The following TFEC variants were observed in gnomAD, a reference collection of about 807,000 sequenced individuals.
The protein encoded by TFEC is class E basic helix-loop-helix protein 34.
TFEC carries 31 observed loss-of-function variants against 41.6 expected under a neutral mutation model. That is an observed-to-expected ratio of 0.74 (90% CI 0.56 to 1.01). TFEC has a LOEUF of 1.01. TFEC is among the 50% of genes least tolerant of loss of function. The pLI, the probability that TFEC is intolerant of heterozygous loss-of-function variation, is 0.00. For synonymous variants in TFEC, 143 were observed against 140.6 expected, an observed-to-expected ratio of 1.02 and a Z score of -0.12; for missense variants, 402 against 404.1, an observed-to-expected ratio of 0.99 and a Z score of 0.04.
At chr7:116,050,159 A>G (rs1377298876) in intron 3 of TFEC, among the ~76,000 whole-genome samples, 1 of 151,968 alleles carries the variant, frequency 6.6e-6, no homozygotes, top group African/African-American at 2.4e-5. Flanking sequence ...TAGAGACACG[A>G]AAAAAAACCC....
chr7:116,126,699 AT>A (rs1798216279), intron 1 of TFEC, among the ~76,000 whole-genome samples: 1 of 152,340 alleles, frequency 6.6e-6, no homozygotes, highest in African/African-American at 2.4e-5. Flanking sequence ...ACATCTTAAA[AT>A]TTTATTTCCC....
At chr7:115,949,443 C>T (rs1048341639) in intron 6 of TFEC, among the ~76,000 whole-genome samples, 6 of 152,150 alleles carry the variant, frequency 3.9e-5, no homozygotes, top group Non-Finnish European at 7.4e-5. Flanking sequence ...TACCTTACTT[C>T]AAACTATACT....
At chr7:115,981,451 A>C (rs1187663597) in intron 2 of TFEC, among the ~76,000 whole-genome samples, 1 of 152,180 alleles carries the variant, frequency 6.6e-6, no homozygotes, top group Admixed American at 6.6e-5. Flanking sequence ...AAGTAGAGAA[A>C]TATTATTGAA....
chr7:116,096,141 G>A (rs4557634), intron 3 of TFEC, among the ~76,000 whole-genome samples: 25,427 of 151,892 alleles, frequency 0.17, 2,253 homozygotes, highest in East Asian at 0.36. Flanking sequence ...CAGATACTTT[G>A]ACTAAGATTT....
chr7:116,117,387 CCG>C (rs1210432113), intron 1 of TFEC: 1 of 151,916 alleles, frequency 6.6e-6, no homozygotes, highest in Middle Eastern at 3.4e-3. Flanking sequence ...ACAGACCTCT[CCG>C]TGATTTTTGC....
chr7:116,013,523 G>C (rs913141681), intron 1 of TFEC, among the ~76,000 whole-genome samples: 12 of 152,100 alleles, frequency 7.9e-5, no homozygotes, highest in African/African-American at 2.9e-4. Flanking sequence ...GTCATGAGGT[G>C]AGCATTCCAG....
At chr7:115,966,936 C>T (rs1047624872) in intron 3 of TFEC, among the ~76,000 whole-genome samples, 1 of 151,758 alleles carries the variant, frequency 6.6e-6, no homozygotes, top group Admixed American at 6.6e-5. Context: ...ACTTGCAATA[C>T]ATTTTCTAAT....
intron 1 of TFEC, among the ~76,000 whole-genome samples, chr7:116,136,344 A>AT (rs1464209672): frequency 1.3e-5 from 2 of 152,052 alleles, no homozygotes; most frequent in African/African-American, 4.8e-5. Context: ...TCAAATACGC[A>AT]TATCTGCTAA....
intron 1 of TFEC, among the ~76,000 whole-genome samples, chr7:116,008,154 G>A (rs971949247): frequency 6.6e-6 from 1 of 152,144 alleles, no homozygotes; most frequent in African/African-American, 2.4e-5. Flanking sequence ...GCAAACATCA[G>A]ACAGGCAATT....
chr7:115,971,256 G>T (rs1217600830), intron 3 of TFEC, among the ~76,000 whole-genome samples: 2 of 151,698 alleles, frequency 1.3e-5, no homozygotes, highest in African/African-American at 2.4e-5. Flanking sequence ...GCTTTAACTG[G>T]AACTAAGAAG....
At chr7:116,104,524 A>C (rs1450397385) in intron 3 of TFEC, among the ~76,000 whole-genome samples, 4 of 152,188 alleles carry the variant, frequency 2.6e-5, no homozygotes, top group Non-Finnish European at 5.9e-5. Flanking sequence ...CTCAAGTCCG[A>C]ACCATGCATT....
chr7:116,108,497 T>C (rs905036438), intron 3 of TFEC, among the ~76,000 whole-genome samples: 2 of 152,136 alleles, frequency 1.3e-5, no homozygotes, highest in Admixed American at 6.6e-5. Flanking sequence ...GCAAGGCCTC[T>C]TTTTTCATAT....
At chr7:115,952,172 T>C (rs1251928429) in intron 5 of TFEC, among the ~76,000 whole-genome samples, 9 of 152,202 alleles carry the variant, frequency 5.9e-5, no homozygotes, top group Middle Eastern at 3.4e-3. Context: ...TTAGGAATAA[T>C]ACATTGTGAT....
chr7:116,106,262 A>G (rs539511120), intron 3 of TFEC, among the ~76,000 whole-genome samples: 1 of 152,362 alleles, frequency 6.6e-6, no homozygotes, highest in African/African-American at 2.4e-5. Flanking sequence ...GAAGTTTCAC[A>G]GCATTTAAAA....
intron 3 of TFEC, among the ~76,000 whole-genome samples, chr7:116,079,411 G>A (rs1380297942): frequency 6.6e-6 from 1 of 152,050 alleles, no homozygotes; most frequent in Non-Finnish European, 1.5e-5. Flanking sequence ...TTGATGGTAA[G>A]ATCGTATACC....
chr7:115,985,614 GT>G (rs1793817224), intron 1 of TFEC, among the ~76,000 whole-genome samples: 1 of 152,002 alleles, frequency 6.6e-6, no homozygotes, highest in Non-Finnish European at 1.5e-5. Flanking sequence ...AAATTAGCTG[GT>G]TTGGGGTACA....
chr7:116,152,891 G>C (rs1798789889), intron 1 of TFEC, among the ~76,000 whole-genome samples: 1 of 152,158 alleles, frequency 6.6e-6, no homozygotes, highest in Non-Finnish European at 1.5e-5. Context: ...TGACCAATGA[G>C]AGGGAGAAAA....
chr7:116,099,282 A>T (rs747374714), intron 3 of TFEC, among the ~76,000 whole-genome samples: 4 of 152,224 alleles, frequency 2.6e-5, no homozygotes, highest in Non-Finnish European at 5.9e-5. Flanking sequence ...TACAGGATTT[A>T]GCACAAGATT....
At chr7:115,961,097 A>T (rs1180916719) in intron 3 of TFEC, among the ~76,000 whole-genome samples, 1 of 151,736 alleles carries the variant, frequency 6.6e-6, no homozygotes, top group African/African-American at 2.4e-5. Flanking sequence ...AGTCAAGCAG[A>T]CAAAAATAAT....
Sources: gnomAD v4.1 joint callset for allele counts (sites outside exome capture counted in the v4.1 genomes callset) on GRCh38, gnomAD v4.1.1 for gene constraint, MANE v1.5 for transcripts, NCBI Gene and HGNC (gene_info 2026-07-23, HGNC 2026-07-21) for gene names.